Variants in LOXHD1 observed in about 807,000 individuals in gnomAD.
LOXHD1 encodes the protein lipoxygenase homology domain-containing protein 1.
LOXHD1 carries 205 observed loss-of-function variants against 248.2 expected under a neutral mutation model. The observed-to-expected ratio is 0.83, with a 90% confidence interval of 0.74 to 0.93. LOXHD1 has a LOEUF of 0.93. LOXHD1 is among the 40% of genes least tolerant of loss of function. The pLI is 0.00. For synonymous variants in LOXHD1, 1,113 were observed against 1,162.8 expected (o/e 0.96, Z 0.87); for missense variants, 2,930 against 2,971.6 (o/e 0.99, Z 0.33).
intron 23 of LOXHD1, among the ~76,000 whole-genome samples, 186 bp from the exon 24 acceptor site, chr18:46,543,041 T>C (rs553601245): frequency 6.6e-6 from 1 of 152,312 alleles, no homozygotes; most frequent in African/African-American, 2.4e-5. Flanking sequence ...TTTATTTCAA[T>C]AGCTTTTGGG....
Position 46,477,689 on chromosome 18 carries a change from C to T in LOXHD1, c.6605G>A (p.Ser2202Asn). ...CGTCTCCAGGAAGAAGCGGTCTGTG[C>T]TGCCCCGCTCGAAGAGGTTGCGCAT... ...QKMRNLFERG[S>N]TDRFFLETLE... Residue 2202 changes from serine to asparagine, a missense_variant, in exon 41 of 41, where the codon AGC (serine) becomes AAC (asparagine). Physicochemically the swap from Ser to Asn is conservative, Grantham distance 46. Coordinates refer to ENST00000642948, the MANE Select transcript of LOXHD1 (RefSeq NM_001384474.1). 1.3e-6 allele frequency: 2 copies of T among 1,551,918 alleles called. No individual in the cohort carries two copies. Among genetic ancestry groups the T allele is most frequent in the East Asian group, 2.4e-5 (1 of 40,924 alleles).
intron 25 of LOXHD1, among the ~76,000 whole-genome samples, chr18:46,540,986 C>G (rs990208696): frequency 6.6e-6 from 1 of 152,134 alleles, no homozygotes; most frequent in African/African-American, 2.4e-5. Context: ...TGGGGGAAAT[C>G]TTGTGGTACA....
chr18:46,542,666 A>G, intron 24 of LOXHD1, 61 bp downstream of exon 24: 2 of 1,532,092 alleles, frequency 1.3e-6, no homozygotes, highest in Non-Finnish European at 1.8e-6. Flanking sequence ...CCAGATGCCC[A>G]CAAGGACCTG....
chr18:46,503,633 C>A (rs994559835), intron 37 of LOXHD1, among the ~76,000 whole-genome samples: 1 of 152,032 alleles, frequency 6.6e-6, no homozygotes, highest in African/African-American at 2.4e-5. Context: ...GTTTTGTTTT[C>A]ATCTTAGGAA....
At chr18:46,478,003 C>T (rs1345429113) in intron 40 of LOXHD1, 51 bp from the exon 41 acceptor site, 8 of 1,508,146 alleles carry the variant, frequency 5.3e-6, no homozygotes, top group Admixed American at 4.2e-5. Flanking sequence ...AGACCCCAGC[C>T]GAGGCTGCTC....
intron 34 of LOXHD1, among the ~76,000 whole-genome samples, chr18:46,512,012 T>A (rs1413344194): frequency 2.6e-5 from 4 of 152,200 alleles, no homozygotes; most frequent in Non-Finnish European, 5.9e-5. Flanking sequence ...CCTTGATTCT[T>A]CCTGAGTTTG....
chr18:46,612,930 C>T (rs1476646640), intron 5 of LOXHD1, among the ~76,000 whole-genome samples: 2 of 151,990 alleles, frequency 1.3e-5, no homozygotes, highest in African/African-American at 4.8e-5. Context: ...TGTTTCATTG[C>T]TTTATTTTGT....
Position 46,481,210 on chromosome 18 carries a change from T to C in LOXHD1, c.6341+2377A>G, listed in dbSNP as rs560837516. 5.9e-5 allele frequency among the ~76,000 whole-genome samples: 9 copies of C among 152,330 alleles called. No individual in the cohort carries two copies. In the South Asian group the frequency reaches 1.2e-3, roughly 21 times the overall value. On this transcript the variant is annotated intron_variant, in intron 40 of 40. Transcript: ENST00000642948. ...TATAATGCAGAATGTAGGTTCCTTC[T>C]AGAATGAGGCCATGTGAATTGTCAC... is the stretch of plus-strand genomic sequence containing the variant.
intron 34 of LOXHD1, among the ~76,000 whole-genome samples, chr18:46,516,774 T>G (rs2144062914): frequency 6.6e-6 from 1 of 151,146 alleles, no homozygotes; most frequent in Admixed American, 6.6e-5. Flanking sequence ...TCATCACAAT[T>G]ATCATTTCTA....
chr18:46,602,450 C>T (rs2038354186), intron 7 of LOXHD1, among the ~76,000 whole-genome samples: 1 of 152,024 alleles, frequency 6.6e-6, no homozygotes, highest in Non-Finnish European at 1.5e-5. Context: ...AAGTGATCCA[C>T]CCCCCTCAGA....
chr18:46,613,558 C>CT (rs1356125557), intron 5 of LOXHD1, among the ~76,000 whole-genome samples: 2 of 151,864 alleles, frequency 1.3e-5, no homozygotes, highest in East Asian at 1.9e-4. Flanking sequence ...TTTACTTGCC[C>CT]TTTTTTCTGG....
intron 21 of LOXHD1, among the ~76,000 whole-genome samples, chr18:46,557,102 C>A (rs1396803800): frequency 1.3e-5 from 2 of 151,724 alleles, no homozygotes; most frequent in African/African-American, 4.8e-5. Context: ...ACCCAGCTCA[C>A]CCTCAGCCTC....
In LOXHD1 at chr18:46,533,196, C is replaced by G; in HGVS notation, c.4341G>C (p.Arg1447=). 1 of 1,551,710 alleles carries G rather than the reference C, an allele frequency of 6.4e-7. No homozygotes were observed. The highest frequency in any genetic ancestry group is 8.7e-7 in the Non-Finnish European group (1 of 1,146,996). ...GCTCTTCTACTTCCTTGTAGACTTG[C>G]CGTAAGGACCCATCTTTCATGTATT... is the stretch of plus-strand genomic sequence containing the variant. ...TEKYMKDGSL[R]QVYKEVEEPL... Residue 1447 remains arginine, a synonymous_variant, in exon 28 of 41, where the codon CGG becomes CGC. Transcript: ENST00000642948.
At chr18:46,618,313 A>G (rs1478821923) in intron 4 of LOXHD1, 23 bp from the exon 5 acceptor site, 1 of 1,496,636 alleles carries the variant, frequency 6.7e-7, no homozygotes, top group African/African-American at 1.4e-5. Context: ...AGAGAGAAAA[A>G]CCTTAGCTCA....
At chr18:46,505,320 A>T (rs911289217) in intron 37 of LOXHD1, among the ~76,000 whole-genome samples, 9 of 151,818 alleles carry the variant, frequency 5.9e-5, no homozygotes, top group African/African-American at 2.2e-4. Flanking sequence ...AGATGGGACC[A>T]CGGGTGCATG....
chr18:46,541,708 G>A (rs1416108487), intron 25 of LOXHD1, 68 bp downstream of exon 25: 2 of 1,513,816 alleles, frequency 1.3e-6, no homozygotes, highest in Non-Finnish European at 9.0e-7. Flanking sequence ...GGAAGAACTG[G>A]GGCTGAGTTG....
At chr18:46,628,037 T>C (rs78069146) in intron 4 of LOXHD1, among the ~76,000 whole-genome samples, 12,176 of 152,262 alleles carry the variant, frequency 0.08, 624 homozygotes, top group Non-Finnish European at 0.12. Flanking sequence ...ACTGAATGAA[T>C]GTGCTTAACA....
intron 37 of LOXHD1, among the ~76,000 whole-genome samples, chr18:46,489,971 T>G (rs564081649): frequency 6.6e-6 from 1 of 152,384 alleles, no homozygotes; most frequent in South Asian, 2.1e-4. Flanking sequence ...ATAGCTGCCC[T>G]TGTTATAATT....
In LOXHD1 at chr18:46,507,665, A is replaced by G. The variant is rs1333663839; in HGVS notation, c.5565T>C (p.Tyr1855=). 3 of 1,551,640 alleles carry G rather than the reference A, an allele frequency of 1.9e-6. No individual in the cohort carries two copies. The highest frequency in any genetic ancestry group is 2.0e-5 in the Admixed American group (1 of 50,996). Residue 1855 remains tyrosine, a synonymous_variant, in exon 36 of 41, where the codon TAT becomes TAC. Transcript: ENST00000642948. Reference sequence around the variant, plus strand: ...CCTTCCGCTGGGACAGCCAGTCTCCATAGTAGAACATGGTCAGGTCTCCAG... The same window carrying G: ...CCTTCCGCTGGGACAGCCAGTCTCCGTAGTAGAACATGGTCAGGTCTCCAG... ...MNTGDLTMFY[Y]GDWLSQRKGK...
Sources: allele counts gnomAD v4.1 joint callset (sites outside exome capture counted in the v4.1 genomes callset), GRCh38; gene constraint gnomAD v4.1.1; transcripts MANE v1.5; gene names NCBI Gene and HGNC (gene_info 2026-07-23, HGNC 2026-07-21).